Variants in FAM76A observed in about 807,000 individuals in gnomAD.
FAM76A encodes family with sequence similarity 76 member A.
A neutral mutation model predicts 46.2 loss-of-function variants in FAM76A; 32 were observed. The observed-to-expected ratio is 0.69, with a 90% confidence interval of 0.52 to 0.93. FAM76A has a LOEUF of 0.93. FAM76A is among the 40% of genes least tolerant of loss of function. FAM76A has a pLI of 0.00. For synonymous variants in FAM76A, 137 were observed against 127.0 expected, an observed-to-expected ratio of 1.08 and a Z score of -0.53; for missense variants, 274 against 361.5, an observed-to-expected ratio of 0.76 and a Z score of 1.96.
At chr1:27,747,336 A>G (rs1398561475) in intron 5 of FAM76A, among the ~76,000 whole-genome samples, 2 of 152,154 alleles carry the variant, frequency 1.3e-5, no homozygotes, top group African/African-American at 4.8e-5. Flanking sequence ...TTTAGGAACT[A>G]AGAAGCAGCT....
In FAM76A at chr1:27,762,156, C is replaced by T. The variant is rs959647924; in HGVS notation, c.*1575C>T. The T allele has an allele frequency of 6.6e-6, 1 of 152,106 alleles. No homozygotes were observed. Among genetic ancestry groups the T allele is most frequent in the African/African-American group, 2.4e-5 (1 of 41,396 alleles). 9.4% of individuals were successfully genotyped at this position (152,106 alleles called of 1,614,324 possible). ...ATTGAAAACAGGTGCTTCTCAGAAG[C>T]ACTTTGCCTCAACCAGAGTTATGTA... On this transcript the variant is annotated 3_prime_UTR_variant, in exon 9 of 9. Transcript: ENST00000373954.
At chr1:27,755,431 C>T in intron 7 of FAM76A, 101 bp downstream of exon 7, 1 of 1,454,254 alleles carries the variant, frequency 6.9e-7, no homozygotes, top group Non-Finnish European at 9.5e-7. Flanking sequence ...TTGTTGAGAG[C>T]CTATGTCAAG....
At chr1:27,755,169 T>C (rs777235386) in intron 6 of FAM76A, 26 bp from the exon 7 acceptor site, 2 of 1,612,688 alleles carry the variant, frequency 1.2e-6, no homozygotes, top group South Asian at 1.1e-5. Context: ...CAAGTTAAAA[T>C]ATTTTCCCCT....
At chr1:27,750,684 C>T (rs780162349) in intron 6 of FAM76A, among the ~76,000 whole-genome samples, 1 of 152,202 alleles carries the variant, frequency 6.6e-6, no homozygotes, top group Non-Finnish European at 1.5e-5. Flanking sequence ...TTTCTATTAG[C>T]TTATTTTGTT....
chr1:27,728,518 A>G (rs2148563389), intron 2 of FAM76A, among the ~76,000 whole-genome samples: 1 of 152,102 alleles, frequency 6.6e-6, no homozygotes, highest in Middle Eastern at 3.4e-3. Context: ...ACGCCCAGCT[A>G]ATTTTTTTAT....
rs1240442595 is a variant in FAM76A, at chr1:27,761,525, C to G, written c.*944C>G. 6.6e-5 allele frequency: 10 copies of G among 152,660 alleles called. No homozygotes were observed. Among genetic ancestry groups the G allele is most frequent in the Non-Finnish European group, 1.5e-4 (10 of 68,044 alleles). The allele number at this position is 152,660 out of a possible 1,614,324, so 9.5% of individuals were successfully genotyped here. A position where few individuals can be genotyped will look rare whatever the true frequency, so the allele number is the denominator to read the frequency against. On this transcript the variant is annotated 3_prime_UTR_variant, in exon 9 of 9. Coordinates refer to ENST00000373954, the MANE Select transcript of FAM76A (RefSeq NM_152660.3). ...GTACTGGACACTTCTCTCCCCACCC[C>G]TTTCCTGATTGTTTTATGTGATTGA...
At chr1:27,757,926 A>G (rs957486246) in intron 7 of FAM76A, among the ~76,000 whole-genome samples, 11 of 151,848 alleles carry the variant, frequency 7.2e-5, no homozygotes, top group Non-Finnish European at 1.3e-4. Context: ...GCTGTGAGCC[A>G]AGATCGTGCC....
intron 6 of FAM76A, among the ~76,000 whole-genome samples, chr1:27,753,326 C>T (rs2088360854): frequency 6.6e-6 from 1 of 152,118 alleles, no homozygotes. Flanking sequence ...TTGGGGACAA[C>T]AAAAAGTTAC....
At chr1:27,748,908 C>T (rs1020337458) in intron 5 of FAM76A, among the ~76,000 whole-genome samples, 160 bp from the exon 6 acceptor site, 1 of 152,102 alleles carries the variant, frequency 6.6e-6, no homozygotes, top group Non-Finnish European at 1.5e-5. Context: ...TCCAGGCCTA[C>T]AAAATCATCA....
chr1:27,756,381 C>G (rs2088409505), intron 7 of FAM76A, among the ~76,000 whole-genome samples: 1 of 151,946 alleles, frequency 6.6e-6, no homozygotes. Flanking sequence ...ACCTCTGCCT[C>G]CTGAGTTCAA....
At chr1:27,730,899 T>C (rs2148565480) in intron 2 of FAM76A, among the ~76,000 whole-genome samples, 1 of 151,412 alleles carries the variant, frequency 6.6e-6, no homozygotes, top group Middle Eastern at 3.4e-3. Context: ...CACTGAAACC[T>C]TGAACTCCCA....
chr1:27,759,772 T>G lies in FAM76A; in HGVS notation c.837+145T>G, dbSNP rs12239266. ...ATGTTAATCCCCCTTTTAGGTTTTT[T>G]TTTTTTGTTTTTTTTTTGAGACAGG... On this transcript the variant is annotated intron_variant, in intron 8 of 8. Transcript: ENST00000373954. 7.3e-5 allele frequency: 45 copies of G among 612,942 alleles called. 1 individual carries two copies. The Admixed American group carries it at 1.4e-3, about 19-fold the overall frequency. 38.0% of individuals were successfully genotyped at this position (612,942 alleles called of 1,614,324 possible).
chr1:27,755,476 C>T, intron 7 of FAM76A, 146 bp downstream of exon 7: 1 of 1,079,820 alleles, frequency 9.3e-7, no homozygotes, highest in South Asian at 1.5e-5. Context: ...GGCTGTCTGC[C>T]AAGATGACTT....
intron 2 of FAM76A, among the ~76,000 whole-genome samples, chr1:27,730,509 T>G (rs192244957): frequency 6.6e-6 from 1 of 151,810 alleles, no homozygotes; most frequent in Non-Finnish European, 1.5e-5. Flanking sequence ...TCTTTGCATG[T>G]TTTTTAACAT....
intron 4 of FAM76A, among the ~76,000 whole-genome samples, chr1:27,734,523 A>G (rs759811685): frequency 2.6e-4 from 40 of 152,162 alleles, no homozygotes; most frequent in Non-Finnish European, 4.9e-4. Flanking sequence ...CTCCAGCCTG[A>G]GTGACAGAGC....
chr1:27,745,991 A>G (rs141150117), intron 5 of FAM76A, among the ~76,000 whole-genome samples: 1 of 152,192 alleles, frequency 6.6e-6, no homozygotes, highest in Non-Finnish European at 1.5e-5. Flanking sequence ...GAAGGGATCT[A>G]TGCAGAGGAG....
At chr1:27,739,980 G>T (rs528170465) in intron 4 of FAM76A, 1 of 286,956 alleles carries the variant, frequency 3.5e-6, no homozygotes, top group Non-Finnish European at 6.8e-6. Context: ...AGATTGGCTC[G>T]CCCATCCTCA....
At chr1:27,743,269 G>T (rs2088185267) in intron 4 of FAM76A, among the ~76,000 whole-genome samples, 1 of 152,030 alleles carries the variant, frequency 6.6e-6, no homozygotes, top group Non-Finnish European at 1.5e-5. Flanking sequence ...TCCCACCTCA[G>T]CCTCCCTAGT....
chr1:27,749,948 C>A (rs1229902164), intron 6 of FAM76A, among the ~76,000 whole-genome samples: 1 of 152,178 alleles, frequency 6.6e-6, no homozygotes, highest in Non-Finnish European at 1.5e-5. Context: ...CTCAGTGGTA[C>A]TTCCTCTTGT....
Sources: allele counts gnomAD v4.1 joint callset (sites outside exome capture counted in the v4.1 genomes callset), GRCh38; gene constraint gnomAD v4.1.1; transcripts MANE v1.5; gene names NCBI Gene and HGNC (gene_info 2026-07-23, HGNC 2026-07-21).